MSTO1: variants seen among roughly 807,000 people sequenced by gnomAD.
MSTO1 encodes misato mitochondrial distribution and morphology regulator 1, also known as protein misato homolog 1.
Under a neutral mutation model 55.7 loss-of-function variants are expected in MSTO1, and 24 were observed. The ratio of observed to expected loss-of-function variants is 0.43; its 90% confidence interval spans 0.31 to 0.61. The LOEUF is 0.61. Among genes scored for constraint, MSTO1 ranks in the 20% least tolerant of loss-of-function variants. MSTO1 has a pLI of 0.09. For synonymous variants in MSTO1, 162 were observed against 252.8 expected (o/e 0.64, Z 3.41); for missense variants, 363 against 625.7 (o/e 0.58, Z 4.48).
At chr1:155,572,283 TG>T in the MSTO1 span, among the ~76,000 whole-genome samples, 5 of 152,110 alleles carry the variant, frequency 3.3e-5, no homozygotes, top group Non-Finnish European at 7.4e-5. Flanking sequence ...AAACATTCAT[TG>T]TCAAATGTTG....
the MSTO1 span, among the ~76,000 whole-genome samples, chr1:155,572,057 A>C: frequency 2.0e-5 from 3 of 152,082 alleles, no homozygotes. Context: ...AAAAAAAAAA[A>C]AAGAAATTAG....
At chr1:155,575,820 A>ATTTC in the MSTO1 span, among the ~76,000 whole-genome samples, 837 of 147,062 alleles carry the variant, frequency 5.7e-3, 6 homozygotes, top group African/African-American at 0.02. Context: ...TTATTTATTT[A>ATTTC]TTTATTTATT....
At chr1:155,590,917 C>T in the MSTO1 span, 506 of 1,613,186 alleles carry the variant, frequency 3.1e-4, no homozygotes, top group South Asian at 3.5e-3. Flanking sequence ...GAGCACCAGG[C>T]GGGCCTTGGA....
the MSTO1 span, among the ~76,000 whole-genome samples, chr1:155,578,403 G>T: frequency 8.3e-6 from 1 of 120,750 alleles, no homozygotes; most frequent in Admixed American, 1.1e-4. Flanking sequence ...CTGGCGTGCA[G>T]TCTTGGCTCA....
chr1:155,600,675 G>C, the MSTO1 span, among the ~76,000 whole-genome samples: 2 of 152,084 alleles, frequency 1.3e-5, no homozygotes, highest in Admixed American at 1.3e-4. Flanking sequence ...AGCCTCCCCA[G>C]TAGCTGGGAT....
At chr1:155,572,450 C>G in the MSTO1 span, among the ~76,000 whole-genome samples, 1 of 151,878 alleles carries the variant, frequency 6.6e-6, no homozygotes, top group South Asian at 2.1e-4. Flanking sequence ...TGCGGTGGCT[C>G]ACGCCTGTAA....
the MSTO1 span, among the ~76,000 whole-genome samples, chr1:155,581,196 C>T: frequency 1.3e-5 from 2 of 152,014 alleles, no homozygotes; most frequent in South Asian, 4.1e-4. Context: ...AACTCCTGGG[C>T]TCAAGTGATC....
At chr1:155,587,330 C>T in the MSTO1 span, among the ~76,000 whole-genome samples, 1 of 150,256 alleles carries the variant, frequency 6.7e-6, no homozygotes, top group African/African-American at 2.5e-5. Context: ...ATCCCAACTA[C>T]TCCAGAGGCT....
At chr1:155,566,499 G>C in the MSTO1 span, among the ~76,000 whole-genome samples, 1 of 152,066 alleles carries the variant, frequency 6.6e-6, no homozygotes, top group African/African-American at 2.4e-5. Flanking sequence ...GCCAGGCCAT[G>C]GTGGCATGTC....
the MSTO1 span, chr1:155,565,975 G>C: frequency 7.2e-5 from 11 of 152,316 alleles, no homozygotes; most frequent in East Asian, 2.1e-3. Flanking sequence ...GGGAATTAAG[G>C]TTGCTAATCA....
upstream of MSTO1, chr1:155,610,192 G>C: frequency 1.1e-6 from 1 of 935,666 alleles, no homozygotes; most frequent in Non-Finnish European, 1.6e-6. Context: ...CAAGCCAATC[G>C]GCTAGGAGCA....
chr1:155,566,513 G>A, the MSTO1 span, among the ~76,000 whole-genome samples: 1 of 152,068 alleles, frequency 6.6e-6, no homozygotes, highest in African/African-American at 2.4e-5. Context: ...GCATGTCCAG[G>A]AGTTTGAGGC....
chr1:155,600,607 G>C, the MSTO1 span, among the ~76,000 whole-genome samples: 3 of 151,042 alleles, frequency 2.0e-5, 1 homozygote, highest in South Asian at 4.2e-4. Context: ...GAGTGCAGTG[G>C]CACGATCTCG....
At chr1:155,575,566 C>A in the MSTO1 span, among the ~76,000 whole-genome samples, 1 of 151,918 alleles carries the variant, frequency 6.6e-6, no homozygotes, top group South Asian at 2.1e-4. Flanking sequence ...GCTCAGCCCC[C>A]CAAATAGCTG....
chr1:155,589,996 T>G, the MSTO1 span, among the ~76,000 whole-genome samples: 1 of 137,266 alleles, frequency 7.3e-6, no homozygotes, highest in African/African-American at 2.8e-5. Flanking sequence ...AAAATGTGAG[T>G]GTAAAGGGGG....
the MSTO1 span, among the ~76,000 whole-genome samples, chr1:155,599,715 T>A: frequency 6.6e-6 from 1 of 152,166 alleles, no homozygotes; most frequent in Non-Finnish European, 1.5e-5. Flanking sequence ...TATTTATTGA[T>A]CATTCGTGGG....
intron 3 of MSTO1, 31 bp downstream of exon 3, chr1:155,611,139 GA>G: frequency 7.9e-7 from 1 of 1,268,792 alleles, no homozygotes; most frequent in Non-Finnish European, 1.1e-6. Flanking sequence ...TAAGGGTGGG[GA>G]TCGTGTATGT....
At chr1:155,586,558 ATAT>A in the MSTO1 span, 1 of 314,246 alleles carries the variant, frequency 3.2e-6, no homozygotes, top group South Asian at 3.0e-5. Context: ...ATATTACTCC[ATAT>A]TATTAACCCA....
At chr1:155,571,899 G>A in the MSTO1 span, among the ~76,000 whole-genome samples, 3 of 151,964 alleles carry the variant, frequency 2.0e-5, no homozygotes, top group Non-Finnish European at 2.9e-5. Context: ...AAAATTAGTC[G>A]GATGTGGTGG....
Sources: allele counts gnomAD v4.1 joint callset (sites outside exome capture counted in the v4.1 genomes callset), GRCh38; gene constraint gnomAD v4.1.1; transcripts MANE v1.5; gene names NCBI Gene and HGNC (gene_info 2026-07-23, HGNC 2026-07-21).